RAD52: variants seen among roughly 807,000 people sequenced by gnomAD.
RAD52 encodes DNA repair protein RAD52 homolog.
Under a neutral mutation model 55.5 loss-of-function variants are expected in RAD52, and 47 were observed. That is an observed-to-expected ratio of 0.85 (90% CI 0.67 to 1.08). RAD52 has a LOEUF of 1.08. Among genes scored for constraint, RAD52 ranks in the 50% least tolerant of loss-of-function variants. RAD52 has a pLI of 0.00. For missense variants in RAD52, 468 were observed against 522.8 expected (o/e 0.90, Z 1.02); for synonymous variants, 184 against 198.9 (o/e 0.92, Z 0.63).
Position 913,169 on chromosome 12 carries a change from G to T in RAD52, c.*222C>A. ...CAAGCCGAAGAAAAGGTATTCATCTGTCCAGAGCCTCTCCCTACTAGAGTG... is the reference window on the plus strand; with the variant it reads ...CAAGCCGAAGAAAAGGTATTCATCTTTCCAGAGCCTCTCCCTACTAGAGTG... On this transcript the variant is annotated 3_prime_UTR_variant, in exon 12 of 12. Coordinates refer to ENST00000358495, the MANE Select transcript of RAD52 (RefSeq NM_134424.4). 1 of 532,564 alleles carries T rather than the reference G, an allele frequency of 1.9e-6. No individual in the cohort carries two copies. The highest frequency in any genetic ancestry group is 3.2e-5 in the East Asian group (1 of 31,722). The allele number at this position is 532,564 out of a possible 1,614,324, so 33.0% of individuals were successfully genotyped here.
In RAD52 at chr12:916,783, T is replaced by A. The variant is rs973024648; in HGVS notation, c.581A>T (p.Gln194Leu). The A allele has an allele frequency of 6.2e-7, 1 of 1,613,038 alleles. No homozygotes were observed. The highest frequency in any genetic ancestry group is 2.2e-5 in the East Asian group (1 of 44,842). The stretch of plus-strand genomic sequence containing the variant: ...CTCCTCCACAGACGGTTCAAGATCT[T>A]GTCTCTTCGCTTTAGTTAAATCCAC... ...LEVDLTKAKR[Q>L]DLEPSVEEAR... Residue 194 changes from glutamine to leucine, a missense_variant, in exon 8 of 12, where the codon CAA (glutamine) becomes CTA (leucine). Gln to Leu is a moderately radical substitution (Grantham distance 113). Transcript: ENST00000358495.
chr12:974,465 T>C (rs1958910386), intron 1 of RAD52: 1 of 152,252 alleles, frequency 6.6e-6, no homozygotes, highest in Admixed American at 6.5e-5. Flanking sequence ...TGATGATTGG[T>C]GGTGTGGCAA....
chr12:931,439 G>T, intron 2 of RAD52, 118 bp from the exon 3 acceptor site: 1 of 702,598 alleles, frequency 1.4e-6, no homozygotes, highest in Non-Finnish European at 2.3e-6. Flanking sequence ...CTTTGTTTAT[G>T]TGGGTTCTAT....
chr12:919,840 G>A (rs2154110264), intron 7 of RAD52, among the ~76,000 whole-genome samples: 1 of 116,702 alleles, frequency 8.6e-6, no homozygotes, highest in East Asian at 2.3e-4. Context: ...ATCATCTGAG[G>A]TTAAGAGTCC....
At chr12:939,152 G>A (rs1453631019) in intron 1 of RAD52, among the ~76,000 whole-genome samples, 2 of 151,298 alleles carry the variant, frequency 1.3e-5, no homozygotes, top group East Asian at 3.9e-4. Context: ...TGAAGGATAT[G>A]CAGACATTAA....
At chr12:950,979 C>T (rs572674515), upstream of RAD52, among the ~76,000 whole-genome samples, 39 of 151,274 alleles carry the variant, frequency 2.6e-4, no homozygotes, top group South Asian at 8.2e-3. Flanking sequence ...CTCGAACTCC[C>T]AACCTCAGGT....
chr12:967,365 G>C (rs1958784400), intron 1 of RAD52, among the ~76,000 whole-genome samples: 1 of 131,918 alleles, frequency 7.6e-6, no homozygotes, highest in East Asian at 2.2e-4. Context: ...CTGGGTGACA[G>C]AGCAAGACCT....
chr12:964,299 G>A (rs1230570176), intron 1 of RAD52, among the ~76,000 whole-genome samples: 1 of 152,188 alleles, frequency 6.6e-6, no homozygotes, highest in East Asian at 1.9e-4. Flanking sequence ...TGGGGGTGGT[G>A]GCTTATGCCT....
chr12:968,263 A>T lies in RAD52; in HGVS notation c.-19+21546T>A, dbSNP rs141029281. Among the ~76,000 whole-genome samples the T allele has an allele frequency of 4.2e-3, 646 of 152,232 alleles. 17 individuals are homozygous for T. Among genetic ancestry groups the T allele is most frequent in the African/African-American group, 0.015 (612 of 41,476 alleles). On this transcript the variant is annotated intron_variant, in intron 1 of 11. Transcript: ENST00000430095. Reference sequence around the variant, plus strand: ...CAAATGGTTGAATCTTAGTAAAAACAAAGAGGTTTGTGGCATTTTAACTAT... The same window carrying T: ...CAAATGGTTGAATCTTAGTAAAAACTAAGAGGTTTGTGGCATTTTAACTAT...
chr12:950,721 A>G (rs1308765681), upstream of RAD52, among the ~76,000 whole-genome samples: 3 of 150,002 alleles, frequency 2.0e-5, no homozygotes, highest in Admixed American at 2.0e-4. Context: ...CCCACTTATC[A>G]TTCTTTTTGT....
At chr12:985,485 C>T (rs578033003) in intron 1 of RAD52, among the ~76,000 whole-genome samples, 1 of 152,252 alleles carries the variant, frequency 6.6e-6, no homozygotes, top group Admixed American at 6.5e-5. Context: ...GGTCTCACAG[C>T]TAAGAAACTA....
chr12:927,055 T>C, intron 6 of RAD52, 90 bp downstream of exon 6: 1 of 1,520,242 alleles, frequency 6.6e-7, no homozygotes, highest in Non-Finnish European at 9.1e-7. Context: ...TTGAACCATG[T>C]GGATGTGTTA....
rs769802409 is a variant in RAD52 at position 931,288 on chromosome 12, G to C, written c.118C>G (p.Gln40Glu). 1 of 1,611,892 alleles carries C rather than the reference G, an allele frequency of 6.2e-7. No individual in the cohort carries two copies. Among genetic ancestry groups the C allele is most frequent in the South Asian group, 1.1e-5 (1 of 90,888 alleles). ...CCCAGCCTCTGCCTCAGGGCCTTCT[G>C]GATGGCCTGGTACTCTTCTGCTGTG... is the stretch of plus-strand genomic sequence containing the variant. ...QYTAEEYQAI[Q>E]KALRQRLGPE... The change falls in exon 3 of 12, where the codon CAG becomes GAG. Residue 40 changes from glutamine to glutamate, a missense_variant. By Grantham distance (29) the Gln-to-Glu change is conservative. Coordinates refer to ENST00000358495, the MANE Select transcript of RAD52 (RefSeq NM_134424.4).
rs1022963843 is a variant in RAD52 at position 913,669 on chromosome 12, G to A, written c.1196-217C>T. ...GACAGCTCTCCATGCAGTCGTTTCC[G>A]CTTCCTGCTATTATCAGGAGCTGAA... On this transcript the variant is annotated intron_variant, in intron 11 of 11. Transcript: ENST00000358495. Among the ~76,000 whole-genome samples, 12 of 152,126 alleles carry A rather than the reference G, an allele frequency of 7.9e-5. No homozygotes were observed. In the South Asian group the frequency reaches 1.9e-3, roughly 24 times the overall value.
chr12:940,062 G>A (rs1488658732), intron 1 of RAD52, among the ~76,000 whole-genome samples: 4 of 150,862 alleles, frequency 2.7e-5, no homozygotes, highest in Non-Finnish European at 5.9e-5. Context: ...GTGACAGAAT[G>A]AGACTCTGTC....
upstream of RAD52, chr12:949,753 G>A (rs1441460656): frequency 0.022 from 8 of 360 alleles, no homozygotes; most frequent in Non-Finnish European, 0.036. Flanking sequence ...AGCGCCGGAG[G>A]GGGAAAAAAA....
chr12:978,691 T>C (rs1287835801), intron 1 of RAD52, among the ~76,000 whole-genome samples: 3 of 151,938 alleles, frequency 2.0e-5, no homozygotes, highest in African/African-American at 7.3e-5. Flanking sequence ...TAGTCCCAGC[T>C]ACTCGGGAGG....
At chr12:973,250 T>C (rs552387244) in intron 1 of RAD52, among the ~76,000 whole-genome samples, 2 of 151,970 alleles carry the variant, frequency 1.3e-5, no homozygotes, top group African/African-American at 4.8e-5. Flanking sequence ...TTTGTATTTT[T>C]AGTAGAGACG....
intron 1 of RAD52, 85 bp from the exon 2 acceptor site, chr12:933,161 T>A (rs1314483354): frequency 5.4e-5 from 53 of 980,102 alleles, no homozygotes; most frequent in South Asian, 3.4e-4. Flanking sequence ...AAAAATCACA[T>A]AAAGAATCCT....
Sources: allele counts gnomAD v4.1 joint callset (sites outside exome capture counted in the v4.1 genomes callset), GRCh38; gene constraint gnomAD v4.1.1; transcripts MANE v1.5; gene names NCBI Gene and HGNC (gene_info 2026-07-23, HGNC 2026-07-21).